SDK1: variants seen among roughly 807,000 people sequenced by gnomAD.
The protein encoded by SDK1 is sidekick cell adhesion molecule 1.
Under a neutral mutation model 245.5 loss-of-function variants are expected in SDK1, and 157 were observed. The ratio of observed to expected loss-of-function variants is 0.64; its 90% CI spans 0.56 to 0.73. The LOEUF is 0.73. Among genes scored for constraint, SDK1 ranks in the 30% least tolerant of loss-of-function variants. The pLI, the probability that SDK1 is intolerant of heterozygous loss-of-function variation, is 0.00. For synonymous variants in SDK1, 1,647 were observed against 1,278.5 expected (o/e 1.29, Z -6.15); for missense variants, 3,583 against 3,002.3 (o/e 1.19, Z -4.52).
At chr7:3,582,804 G>C (rs1257484657) in intron 1 of SDK1, among the ~76,000 whole-genome samples, 1 of 151,472 alleles carries the variant, frequency 6.6e-6, no homozygotes, top group Non-Finnish European at 1.5e-5. Context: ...CGTTCTCCAG[G>C]CTCTTCAGCC....
intron 1 of SDK1, among the ~76,000 whole-genome samples, chr7:3,403,499 G>A (rs1031826957): frequency 4.6e-5 from 7 of 151,880 alleles, no homozygotes; most frequent in Non-Finnish European, 8.8e-5. Context: ...AGGTCTTTTT[G>A]TTCTAACCGA....
chr7:3,711,040 T>C (rs961234482), intron 4 of SDK1, among the ~76,000 whole-genome samples: 1 of 152,210 alleles, frequency 6.6e-6, no homozygotes, highest in Admixed American at 6.5e-5. Flanking sequence ...TTCTTTTGTG[T>C]ATTCATAAGG....
intron 14 of SDK1, among the ~76,000 whole-genome samples, chr7:4,001,862 G>A (rs544074555): frequency 2.0e-5 from 3 of 152,284 alleles, no homozygotes; most frequent in East Asian, 3.9e-4. Flanking sequence ...TGTCACTCCT[G>A]TGGCCTCTGT....
chr7:3,506,355 C>A (rs912626101), intron 1 of SDK1, among the ~76,000 whole-genome samples: 2 of 152,288 alleles, frequency 1.3e-5, no homozygotes, highest in South Asian at 4.1e-4. Context: ...ATCACTCTTA[C>A]CTATTCCCTG....
At chr7:3,998,336 C>T (rs982460773) in intron 14 of SDK1, among the ~76,000 whole-genome samples, 2 of 152,256 alleles carry the variant, frequency 1.3e-5, no homozygotes, top group Non-Finnish European at 2.9e-5. Flanking sequence ...CAGCTGGCTG[C>T]TGTCATCAAA....
At chr7:3,493,022 C>T (rs1458186029) in intron 1 of SDK1, among the ~76,000 whole-genome samples, 6 of 152,154 alleles carry the variant, frequency 3.9e-5, no homozygotes, top group Non-Finnish European at 8.8e-5. Flanking sequence ...GTGATCTCTG[C>T]TCACTGCAAG....
At chr7:3,502,023 A>G (rs1434203589) in intron 1 of SDK1, among the ~76,000 whole-genome samples, 4 of 152,152 alleles carry the variant, frequency 2.6e-5, no homozygotes, top group Non-Finnish European at 5.9e-5. Context: ...TTTAACAAAA[A>G]TTCCAATTAC....
chr7:4,086,206 A>G (rs771344370), intron 22 of SDK1, among the ~76,000 whole-genome samples: 11 of 152,072 alleles, frequency 7.2e-5, no homozygotes, highest in Non-Finnish European at 1.3e-4. Context: ...TCACACCTGC[A>G]CAGGTCTGCC....
chr7:3,390,795 T>C (rs1781731039), intron 1 of SDK1, among the ~76,000 whole-genome samples: 1 of 152,186 alleles, frequency 6.6e-6, no homozygotes, highest in African/African-American at 2.4e-5. Context: ...CTACTGAAAC[T>C]TGATCTTGGA....
chr7:3,608,228 A>G (rs1781483223), intron 1 of SDK1, among the ~76,000 whole-genome samples: 1 of 152,214 alleles, frequency 6.6e-6, no homozygotes, highest in African/African-American at 2.4e-5. Context: ...AATTATTAAA[A>G]TATTCTGTGT....
chr7:3,795,003 C>T (rs901143699), intron 4 of SDK1, among the ~76,000 whole-genome samples: 5 of 152,152 alleles, frequency 3.3e-5, no homozygotes, highest in African/African-American at 9.7e-5. Context: ...CTGTGCCAGG[C>T]ACTCTGCTAG....
intron 14 of SDK1, among the ~76,000 whole-genome samples, chr7:3,990,404 G>T (rs1784206792): frequency 6.6e-6 from 1 of 152,268 alleles, no homozygotes; most frequent in Non-Finnish European, 1.5e-5. Flanking sequence ...CGTGTGTGCA[G>T]ACGGCCATCT....
At chr7:3,668,235 G>A (rs1783595997) in intron 4 of SDK1, among the ~76,000 whole-genome samples, 1 of 152,190 alleles carries the variant, frequency 6.6e-6, no homozygotes, top group Non-Finnish European at 1.5e-5. Flanking sequence ...GGAGTGGGAA[G>A]GCTTATCTTT....
At chr7:3,667,760 G>A (rs1783578769) in intron 4 of SDK1, among the ~76,000 whole-genome samples, 1 of 152,110 alleles carries the variant, frequency 6.6e-6, no homozygotes. Context: ...TCATCTCTTT[G>A]TTGCACATAT....
intron 4 of SDK1, among the ~76,000 whole-genome samples, chr7:3,662,685 C>T (rs1004076788): frequency 6.6e-6 from 1 of 152,190 alleles, no homozygotes; most frequent in East Asian, 1.9e-4. Context: ...CTAAATGTGT[C>T]TCACAGATGT....
chr7:3,838,604 C>G (rs1780080658), intron 5 of SDK1, among the ~76,000 whole-genome samples: 1 of 152,162 alleles, frequency 6.6e-6, no homozygotes. Context: ...TATGACCAGC[C>G]TCTGGAAGTT....
In SDK1 at chr7:4,056,153, A is replaced by ATT. The variant is rs34368464; in HGVS notation, c.2911+4338_2911+4339dup. On this transcript the variant is annotated intron_variant, in intron 19 of 44. Coordinates refer to ENST00000404826, the MANE Select transcript of SDK1 (RefSeq NM_152744.4). Reference sequence around the variant, plus strand: ...TCAGAGAAAACTGGAAATAATCTCAATTTTTTTTTTTTTTTTAGAATTTTC... The same window carrying ATT: ...TCAGAGAAAACTGGAAATAATCTCAATTTTTTTTTTTTTTTTTTAGAATTTTC... Among the ~76,000 whole-genome samples the ATT allele has an allele frequency of 8.1e-4, 115 of 142,356 alleles. 1 individual carries two copies. The highest frequency in any genetic ancestry group is 2.2e-3 in the African/African-American group (87 of 39,202). The allele number at this position is 142,356 out of a possible 152,430, so 93.4% of individuals were successfully genotyped here. A position where few individuals can be genotyped will look rare whatever the true frequency, so the allele number is the denominator to read the frequency against.
At chr7:3,709,077 C>T (rs1325102200) in intron 4 of SDK1, among the ~76,000 whole-genome samples, 1 of 152,212 alleles carries the variant, frequency 6.6e-6, no homozygotes, top group African/African-American at 2.4e-5. Flanking sequence ...TGGTGCATAA[C>T]AACCTTTTGT....
At chr7:4,081,046 A>G (rs1012024890) in intron 22 of SDK1, among the ~76,000 whole-genome samples, 2 of 152,230 alleles carry the variant, frequency 1.3e-5, no homozygotes, top group Admixed American at 6.5e-5. Flanking sequence ...TTAGGCCCGC[A>G]GAAGCACGCG....
Sources: allele counts gnomAD v4.1 joint callset (sites outside exome capture counted in the v4.1 genomes callset), GRCh38; gene constraint gnomAD v4.1.1; transcripts MANE v1.5; gene names NCBI Gene and HGNC (gene_info 2026-07-23, HGNC 2026-07-21).